RNF130: variants seen among roughly 807,000 people sequenced by gnomAD.
The protein encoded by RNF130 is E3 ubiquitin-protein ligase RNF130.
A neutral mutation model predicts 44.6 loss-of-function variants in RNF130; 21 were observed. That is an observed-to-expected ratio of 0.47 (90% CI 0.33 to 0.68). The LOEUF (loss-of-function observed/expected upper bound fraction) is 0.68. RNF130 is among the 30% of genes least tolerant of loss of function. RNF130 has a pLI of 0.02. For synonymous variants in RNF130, 214 were observed against 210.4 expected (o/e 1.02, Z -0.15); for missense variants, 479 against 560.6 (o/e 0.85, Z 1.47).
At chr5:179,939,085 C>T (rs977073247) in intron 7 of RNF130, among the ~76,000 whole-genome samples, 6 of 152,006 alleles carry the variant, frequency 3.9e-5, no homozygotes, top group South Asian at 2.1e-4. Context: ...AAAAATTAGC[C>T]GGGCATGTTT....
At chr5:179,926,936 C>T (rs968050431) in intron 7 of RNF130, among the ~76,000 whole-genome samples, 1 of 152,206 alleles carries the variant, frequency 6.6e-6, no homozygotes, top group African/African-American at 2.4e-5. Flanking sequence ...TTGCTTACTT[C>T]GTGTGTGGGG....
chr5:180,024,605 A>G (rs1158414056), intron 2 of RNF130, among the ~76,000 whole-genome samples: 1 of 152,248 alleles, frequency 6.6e-6, no homozygotes, highest in Non-Finnish European at 1.5e-5. Context: ...TGGCCAAAAA[A>G]AGACACTTTC....
intron 1 of RNF130, among the ~76,000 whole-genome samples, chr5:180,055,792 C>A (rs1354307523): frequency 6.6e-6 from 1 of 152,126 alleles, no homozygotes; most frequent in East Asian, 1.9e-4. Context: ...AAAAAACAAC[C>A]ATCACCATTA....
chr5:180,070,443 C>G (rs775858766), intron 1 of RNF130, among the ~76,000 whole-genome samples: 1 of 152,166 alleles, frequency 6.6e-6, no homozygotes, highest in South Asian at 2.1e-4. Flanking sequence ...CTTTGGCATA[C>G]AAATACAGAC....
At chr5:180,026,149 A>G (rs1353778100) in intron 2 of RNF130, among the ~76,000 whole-genome samples, 1 of 152,040 alleles carries the variant, frequency 6.6e-6, no homozygotes, top group East Asian at 1.9e-4. Flanking sequence ...AGTAAGAAGC[A>G]TCTGATATTG....
chr5:180,059,792 G>A (rs1764928392), intron 1 of RNF130, among the ~76,000 whole-genome samples: 1 of 152,180 alleles, frequency 6.6e-6, no homozygotes, highest in African/African-American at 2.4e-5. Context: ...AGCTGTAATG[G>A]TGGGGTGCCA....
intron 1 of RNF130, among the ~76,000 whole-genome samples, chr5:180,071,067 A>G (rs1765247810): frequency 6.6e-6 from 1 of 151,842 alleles, no homozygotes; most frequent in Non-Finnish European, 1.5e-5. Context: ...GCGCAGCCTT[A>G]AGTCCGTGAT....
At chr5:179,956,026 TA>T (rs1762205201) in intron 8 of RNF130, 1 of 196,874 alleles carries the variant, frequency 5.1e-6, no homozygotes, top group Admixed American at 5.9e-5. Context: ...CTGTTGTCTT[TA>T]AAAAATGCTC....
chr5:179,962,626 CAA>C (rs1013111577), intron 8 of RNF130, among the ~76,000 whole-genome samples: 2 of 152,080 alleles, frequency 1.3e-5, no homozygotes, highest in Non-Finnish European at 2.9e-5. Context: ...TAGAACAAAA[CAA>C]AACAAAGCAA....
At chr5:179,952,606 C>T (rs192007538), downstream of RNF130, among the ~76,000 whole-genome samples, 192 of 152,228 alleles carry the variant, frequency 1.3e-3, 1 homozygote, top group African/African-American at 4.4e-3. Flanking sequence ...CAGCAAAATA[C>T]TAACAAACTA....
intron 5 of RNF130, among the ~76,000 whole-genome samples, chr5:179,975,364 C>A (rs189610633): frequency 7.9e-5 from 12 of 152,250 alleles, no homozygotes; most frequent in Non-Finnish European, 2.9e-5. Flanking sequence ...TGTGGGTGGG[C>A]GCTACTGACA....
At chr5:180,015,558 T>A (rs1265712456) in intron 2 of RNF130, among the ~76,000 whole-genome samples, 3 of 59,466 alleles carry the variant, frequency 5.0e-5, no homozygotes. Flanking sequence ...GGGGAAGGAG[T>A]AGGGAAGGAG....
chr5:179,929,542 G>A (rs1160507766), intron 7 of RNF130, among the ~76,000 whole-genome samples: 3 of 152,156 alleles, frequency 2.0e-5, no homozygotes, highest in African/African-American at 7.2e-5. Context: ...GAGCCCAGGA[G>A]TTTGAGACCA....
intron 3 of RNF130, among the ~76,000 whole-genome samples, chr5:179,989,810 T>C (rs534633354): frequency 1.3e-5 from 2 of 152,352 alleles, no homozygotes; most frequent in African/African-American, 4.8e-5. Context: ...TTTTTTCTTC[T>C]GTCTTTGTGG....
intron 1 of RNF130, among the ~76,000 whole-genome samples, chr5:180,044,940 G>A (rs1764522573): frequency 1.3e-5 from 2 of 152,328 alleles, no homozygotes; most frequent in African/African-American, 4.8e-5. Flanking sequence ...GAGACTGAAG[G>A]AGGGAGGAGG....
intron 2 of RNF130, among the ~76,000 whole-genome samples, chr5:180,020,003 A>G (rs1763835262): frequency 6.6e-6 from 1 of 152,190 alleles, no homozygotes; most frequent in South Asian, 2.1e-4. Flanking sequence ...GGAAACTGGG[A>G]GAAAACTAAG....
At chr5:179,934,409 C>T (rs1761857979) in intron 7 of RNF130, among the ~76,000 whole-genome samples, 1 of 152,082 alleles carries the variant, frequency 6.6e-6, no homozygotes, top group African/African-American at 2.4e-5. Flanking sequence ...TGTCTGTAGG[C>T]TTTGCAGTGA....
intron 1 of RNF130, among the ~76,000 whole-genome samples, chr5:180,063,187 C>T (rs1453345478): frequency 1.3e-5 from 2 of 151,914 alleles, no homozygotes; most frequent in East Asian, 3.9e-4. Flanking sequence ...ATTTTGGCTA[C>T]TATAGAAGAA....
At chr5:179,993,019 C>T (rs1021215885) in intron 3 of RNF130, among the ~76,000 whole-genome samples, 14 of 152,186 alleles carry the variant, frequency 9.2e-5, no homozygotes, top group African/African-American at 3.4e-4. Flanking sequence ...ATGATGGTTT[C>T]CAGCTTCATC....
Sources: gnomAD v4.1 joint callset for allele counts (sites outside exome capture counted in the v4.1 genomes callset) on GRCh38, gnomAD v4.1.1 for gene constraint, MANE v1.5 for transcripts, NCBI Gene and HGNC (gene_info 2026-07-23, HGNC 2026-07-21) for gene names.